The following PAX7 variants were observed in gnomAD, a reference collection of about 807,000 sequenced individuals.
The protein encoded by PAX7 is paired box protein Pax-7.
In PAX7, 18 loss-of-function variants were observed where a neutral mutation model predicts 50.7. That is an observed-to-expected ratio of 0.36 (90% CI 0.25 to 0.53). PAX7 has a LOEUF of 0.53. Ranked by LOEUF, PAX7 falls within the 20% of genes least tolerant of loss-of-function variation. The pLI is 0.93. For synonymous variants in PAX7, 310 were observed against 290.4 expected (o/e 1.07, Z -0.69); for missense variants, 644 against 702.9 (o/e 0.92, Z 0.95).
intron 7 of PAX7, among the ~76,000 whole-genome samples, chr1:18,713,219 GTA>G (rs1427426391): frequency 6.6e-6 from 1 of 152,150 alleles, no homozygotes; most frequent in African/African-American, 2.4e-5. Context: ...TAGAGGCCTG[GTA>G]TAAACAAGTG....
intron 6 of PAX7, among the ~76,000 whole-genome samples, chr1:18,701,282 A>G (rs1291086318): frequency 1.3e-5 from 2 of 152,124 alleles, no homozygotes; most frequent in East Asian, 3.9e-4. Context: ...TTGAGTTTTT[A>G]AAGTGAGAGA....
chr1:18,724,351 A>G (rs558504989), intron 7 of PAX7, among the ~76,000 whole-genome samples: 77 of 152,338 alleles, frequency 5.1e-4, no homozygotes, highest in African/African-American at 1.8e-3. Flanking sequence ...GTGGAGGGTC[A>G]TGGTCAGAGA....
chr1:18,631,723 G>T (rs769494005), intron 1 of PAX7, 35 bp downstream of exon 1: 56 of 1,558,400 alleles, frequency 3.6e-5, no homozygotes, highest in Non-Finnish European at 4.7e-5. Context: ...CCGCGACTCC[G>T]CCGCCCGGAA....
At chr1:18,721,290 A>T (rs1182927644) in intron 7 of PAX7, among the ~76,000 whole-genome samples, 1 of 152,076 alleles carries the variant, frequency 6.6e-6, no homozygotes, top group Non-Finnish European at 1.5e-5. Context: ...TTAGTTCCAG[A>T]TGCCACCCTG....
Position 18,748,753 on chromosome 1 carries a change from A to C in PAX7, c.*3824A>C, listed in dbSNP as rs975488172. 2 of 227,788 alleles carry C rather than the reference A, an allele frequency of 8.8e-6. No individual in the cohort carries two copies. Among genetic ancestry groups the C allele is most frequent in the African/African-American group, 4.4e-5 (2 of 44,990 alleles). The allele number at this position is 227,788 out of a possible 1,614,324, so 14.1% of individuals were successfully genotyped here. On this transcript the variant is annotated 3_prime_UTR_variant, in exon 9 of 9. Transcript: ENST00000420770. ...ATCACACCATAATTTATTCAGCTAT[A>C]TGGAGTAGTAGACTAGAAAGAGAAA...
intron 4 of PAX7, among the ~76,000 whole-genome samples, chr1:18,671,445 AGAGGGCAGACAGCC>A (rs2088747339): frequency 6.6e-6 from 1 of 152,254 alleles, no homozygotes. Flanking sequence ...GAATCTAATT[AGAGGGCAGACAGCC>A]GAGCCTGGAA....
chr1:18,659,931 C>A (rs1434237862), intron 4 of PAX7, among the ~76,000 whole-genome samples: 1 of 152,212 alleles, frequency 6.6e-6, no homozygotes. Context: ...AGAGTGACTG[C>A]AAAAGAATTG....
At chr1:18,660,714 AG>A (rs986501779) in intron 4 of PAX7, among the ~76,000 whole-genome samples, 1 of 152,110 alleles carries the variant, frequency 6.6e-6, no homozygotes, top group Non-Finnish European at 1.5e-5. Flanking sequence ...GCTATAAACA[AG>A]CCTGCCTCCT....
At chr1:18,718,079 C>A (rs1291658856) in intron 7 of PAX7, among the ~76,000 whole-genome samples, 3 of 152,202 alleles carry the variant, frequency 2.0e-5, no homozygotes, top group Non-Finnish European at 4.4e-5. Flanking sequence ...TAAAGTGAGG[C>A]CAAAAGGGAG....
rs761900763 is a variant in PAX7, at chr1:18,672,438, A to G, written c.587-19316A>G. 2.4e-4 allele frequency among the ~76,000 whole-genome samples: 37 copies of G among 152,128 alleles called. 1 individual carries two copies. Among genetic ancestry groups the G allele is most frequent in the Non-Finnish European group, 4.0e-4 (27 of 68,006 alleles). On this transcript the variant is annotated intron_variant, in intron 4 of 8. Coordinates refer to ENST00000420770, the MANE Select transcript of PAX7 (RefSeq NM_001135254.2). ...GTCCTCAGGATTGTAAGGGTGCGCC[A>G]TGCACCCACCCAGCAGAACCATGGC...
chr1:18,641,274 G>T (rs1437489701), intron 4 of PAX7, among the ~76,000 whole-genome samples: 1 of 152,228 alleles, frequency 6.6e-6, no homozygotes, highest in African/African-American at 2.4e-5. Context: ...GAGAACAGGC[G>T]AGCGGAGGGC....
intron 4 of PAX7, among the ~76,000 whole-genome samples, chr1:18,663,626 C>T (rs1386483549): frequency 2.0e-5 from 3 of 152,200 alleles, no homozygotes; most frequent in Non-Finnish European, 4.4e-5. Context: ...AAGTGATCCA[C>T]CCGTCTCGGC....
chr1:18,672,152 C>T (rs1339255403), intron 4 of PAX7, among the ~76,000 whole-genome samples: 1 of 152,054 alleles, frequency 6.6e-6, no homozygotes, highest in Non-Finnish European at 1.5e-5. Context: ...GCCTGATGTC[C>T]AACCCTAACA....
rs541061864 is a variant in PAX7 at position 18,670,972 on chromosome 1, C to T, written c.587-20782C>T. Among the ~76,000 whole-genome samples, 15 of 152,300 alleles carry T rather than the reference C, an allele frequency of 9.8e-5. No homozygotes were observed. In the East Asian group the frequency reaches 2.1e-3, roughly 22 times the overall value. ...ACTCCTGCCTCAAAAGTGCTGGAGCCGGTCCAGTTCTCTAGAGGCAAACAC... is the reference window on the plus strand; with the variant it reads ...ACTCCTGCCTCAAAAGTGCTGGAGCTGGTCCAGTTCTCTAGAGGCAAACAC... On this transcript the variant is annotated intron_variant, in intron 4 of 8. Transcript: ENST00000420770.
chr1:18,725,704 G>A (rs535411363), intron 7 of PAX7, among the ~76,000 whole-genome samples: 46 of 152,244 alleles, frequency 3.0e-4, no homozygotes, highest in East Asian at 7.7e-4. Flanking sequence ...CCTTCCCCCC[G>A]AGCCTCGCCG....
At chr1:18,710,217 G>A (rs1215789833) in intron 7 of PAX7, among the ~76,000 whole-genome samples, 1 of 152,226 alleles carries the variant, frequency 6.6e-6, no homozygotes, top group African/African-American at 2.4e-5. Context: ...GAAGGTCACA[G>A]AGCAGGTGAG....
chr1:18,698,443 C>T (rs1459314268), intron 5 of PAX7, among the ~76,000 whole-genome samples: 1 of 152,146 alleles, frequency 6.6e-6, no homozygotes, highest in Non-Finnish European at 1.5e-5. Context: ...CAAACTGAGA[C>T]CCCTCTTCCC....
In PAX7 at chr1:18,736,102, G is replaced by T. The variant is rs2089710017; in HGVS notation, c.1402+224G>T. On this transcript the variant is annotated intron_variant, in intron 8 of 8. Coordinates refer to ENST00000420770, the MANE Select transcript of PAX7 (RefSeq NM_001135254.2). Reference sequence around the variant, plus strand: ...GGCTAAGCCTCTGCTTCCGTACTATGGCTCCAACAGAAATAAAATACACAA... The same window carrying T: ...GGCTAAGCCTCTGCTTCCGTACTATTGCTCCAACAGAAATAAAATACACAA... The T allele has an allele frequency of 4.2e-6, 3 of 714,766 alleles. No homozygotes were observed. In the South Asian group the frequency reaches 5.5e-5, roughly 13 times the overall value. The allele number at this position is 714,766 out of a possible 1,614,324, so 44.3% of individuals were successfully genotyped here.
chr1:18,669,728 C>A lies in PAX7; in HGVS notation c.587-22026C>A, dbSNP rs191587186. Among the ~76,000 whole-genome samples, 3 of 152,186 alleles carry A rather than the reference C, an allele frequency of 2.0e-5. No individual in the cohort carries two copies. The South Asian group carries it at 6.2e-4, about 31-fold the overall frequency. ...ACTCTGCTGCTTAGAAGCTTTGAGACGTGGACAGTAGCTTGGCCTCTCTGA... is the reference window on the plus strand; with the variant it reads ...ACTCTGCTGCTTAGAAGCTTTGAGAAGTGGACAGTAGCTTGGCCTCTCTGA... On this transcript the variant is annotated intron_variant, in intron 4 of 8. Transcript: ENST00000420770.
Sources: gnomAD v4.1 joint callset for allele counts (sites outside exome capture counted in the v4.1 genomes callset) on GRCh38, gnomAD v4.1.1 for gene constraint, MANE v1.5 for transcripts, NCBI Gene and HGNC (gene_info 2026-07-23, HGNC 2026-07-21) for gene names.